CACNA2D3: variants seen among roughly 807,000 people sequenced by gnomAD.
CACNA2D3 encodes the protein voltage-dependent calcium channel subunit alpha-2/delta-3.
Under a neutral mutation model 160.6 loss-of-function variants are expected in CACNA2D3, and 60 were observed. The ratio of observed to expected loss-of-function variants is 0.37; its 90% CI spans 0.30 to 0.46. The LOEUF is 0.46. Ranked by LOEUF, CACNA2D3 falls within the 20% of genes least tolerant of loss-of-function variation. The pLI is 1.00. For missense variants in CACNA2D3, 1,205 were observed against 1,365.0 expected (o/e 0.88, Z 1.85); for synonymous variants, 558 against 492.9 (o/e 1.13, Z -1.75).
intron 11 of CACNA2D3, among the ~76,000 whole-genome samples, chr3:54,737,806 A>C (rs1441782894): frequency 6.6e-6 from 1 of 152,132 alleles, no homozygotes; most frequent in South Asian, 2.1e-4. Context: ...CTGGGATTGT[A>C]GGTGTGCTTC....
intron 5 of CACNA2D3, among the ~76,000 whole-genome samples, chr3:54,519,709 A>G (rs944462505): frequency 2.6e-5 from 4 of 152,228 alleles, no homozygotes; most frequent in Non-Finnish European, 4.4e-5. Context: ...CCTGTGGCAT[A>G]TATTTCTGTA....
At chr3:54,817,459 A>G (rs1703482099) in intron 14 of CACNA2D3, among the ~76,000 whole-genome samples, 1 of 152,158 alleles carries the variant, frequency 6.6e-6, no homozygotes, top group South Asian at 2.1e-4. Flanking sequence ...GAAAGACTCC[A>G]TGTGGTTGCA....
intron 4 of CACNA2D3, among the ~76,000 whole-genome samples, chr3:54,409,675 G>T (rs1037850530): frequency 3.3e-5 from 5 of 152,224 alleles, no homozygotes; most frequent in Non-Finnish European, 5.9e-5. Flanking sequence ...TGCTACTTCA[G>T]TGAACACAGC....
chr3:54,305,469 A>G lies in CACNA2D3; in HGVS notation c.205-14973A>G, dbSNP rs186551891. 4.3e-4 allele frequency among the ~76,000 whole-genome samples: 66 copies of G among 152,366 alleles called. No homozygotes were observed. In the East Asian group the frequency reaches 7.3e-3, roughly 17 times the overall value. ...TTATACTTAGAGAACAGAACTGTCT[A>G]GTGGCATTGTTTCAGGAAATGTCCA... is the stretch of plus-strand genomic sequence containing the variant. On this transcript the variant is annotated intron_variant, in intron 2 of 37. Coordinates refer to ENST00000474759, the MANE Select transcript of CACNA2D3 (RefSeq NM_018398.3).
intron 12 of CACNA2D3, among the ~76,000 whole-genome samples, chr3:54,752,887 A>C (rs1701892029): frequency 1.4e-5 from 2 of 146,076 alleles, no homozygotes; most frequent in African/African-American, 5.1e-5. Flanking sequence ...TGTGGACAGA[A>C]TCTTGCTCTG....
intron 11 of CACNA2D3, among the ~76,000 whole-genome samples, chr3:54,692,941 A>G (rs1040328768): frequency 2.0e-5 from 3 of 152,120 alleles, no homozygotes; most frequent in African/African-American, 7.2e-5. Flanking sequence ...CACACATGAA[A>G]TGGCTAACTC....
intron 2 of CACNA2D3, among the ~76,000 whole-genome samples, chr3:54,269,863 A>G (rs1021778649): frequency 7.2e-5 from 11 of 152,250 alleles, no homozygotes; most frequent in Non-Finnish European, 1.2e-4. Context: ...AAAAATACAG[A>G]AAATACTTAG....
chr3:54,897,808 A>G (rs1700226369), intron 26 of CACNA2D3, among the ~76,000 whole-genome samples: 1 of 152,216 alleles, frequency 6.6e-6, no homozygotes, highest in Admixed American at 6.5e-5. Context: ...ATTTGTAGAA[A>G]GCAAAGAGTG....
At chr3:54,374,604 T>C (rs528749919) in intron 3 of CACNA2D3, among the ~76,000 whole-genome samples, 2 of 152,316 alleles carry the variant, frequency 1.3e-5, no homozygotes, top group South Asian at 2.1e-4. Context: ...TTTCGTTCAG[T>C]GTTCCTCCTG....
intron 13 of CACNA2D3, among the ~76,000 whole-genome samples, chr3:54,807,099 C>T (rs1366934296): frequency 3.9e-5 from 6 of 152,168 alleles, no homozygotes; most frequent in African/African-American, 7.2e-5. Flanking sequence ...ACCATAAAAA[C>T]CCTAGAAGAA....
chr3:54,544,201 A>G (rs1416467912), intron 5 of CACNA2D3, among the ~76,000 whole-genome samples: 3 of 152,206 alleles, frequency 2.0e-5, no homozygotes, highest in Non-Finnish European at 4.4e-5. Flanking sequence ...AGTACATAAT[A>G]CATTTAGAGA....
intron 35 of CACNA2D3, among the ~76,000 whole-genome samples, chr3:55,070,648 ATCT>A (rs1292205674): frequency 6.6e-6 from 1 of 152,170 alleles, no homozygotes; most frequent in Non-Finnish European, 1.5e-5. Context: ...GTGCAGGTTT[ATCT>A]TCTTATTTTT....
intron 12 of CACNA2D3, among the ~76,000 whole-genome samples, chr3:54,756,051 G>T (rs1190209144): frequency 6.6e-6 from 1 of 152,196 alleles, no homozygotes; most frequent in Admixed American, 6.5e-5. Context: ...AGTCAACTCA[G>T]AGTATTTTAG....
intron 3 of CACNA2D3, among the ~76,000 whole-genome samples, chr3:54,339,756 G>A (rs1425534578): frequency 6.6e-6 from 1 of 152,102 alleles, no homozygotes; most frequent in Non-Finnish European, 1.5e-5. Context: ...AAAATATTAG[G>A]CAACAGCACT....
chr3:54,990,058 A>G (rs1559456653), intron 31 of CACNA2D3, among the ~76,000 whole-genome samples: 2 of 152,182 alleles, frequency 1.3e-5, no homozygotes, highest in East Asian at 3.9e-4. Flanking sequence ...CATGCACCAT[A>G]TTGAATTGAG....
chr3:54,149,928 T>TCTCTCCCCCTCC (rs1559863335), intron 2 of CACNA2D3, among the ~76,000 whole-genome samples: 1 of 35,550 alleles, frequency 2.8e-5, no homozygotes, highest in African/African-American at 1.5e-4. Context: ...TCTCTCTCTC[T>TCTCTCCCCCTCC]CTCCCTCCCT....
intron 13 of CACNA2D3, among the ~76,000 whole-genome samples, chr3:54,806,845 C>A (rs1352688519): frequency 6.6e-6 from 1 of 151,996 alleles, no homozygotes; most frequent in Non-Finnish European, 1.5e-5. Context: ...GGTACTGATA[C>A]CAAAACAGAG....
rs571849165 is a variant in CACNA2D3 at position 55,057,207 on chromosome 3, G to A, written c.2988-16238G>A. On this transcript the variant is annotated intron_variant, in intron 35 of 37. Transcript: ENST00000474759. ...ATGATTGTGAGGCCTCCCCAGCCAC[G>A]TGGAACCGTGAGTCAATTAAACCTT... 4.6e-5 allele frequency among the ~76,000 whole-genome samples: 7 copies of A among 152,282 alleles called. No individual in the cohort carries two copies. In the South Asian group the frequency reaches 1.0e-3, roughly 23 times the overall value.
chr3:54,611,619 T>C (rs779177725), intron 9 of CACNA2D3, among the ~76,000 whole-genome samples: 4 of 152,220 alleles, frequency 2.6e-5, no homozygotes, highest in Non-Finnish European at 5.9e-5. Flanking sequence ...ATGAGAAACA[T>C]GGAATGATGA....
Sources: allele counts gnomAD v4.1 joint callset (sites outside exome capture counted in the v4.1 genomes callset), GRCh38; gene constraint gnomAD v4.1.1; transcripts MANE v1.5; gene names NCBI Gene and HGNC (gene_info 2026-07-23, HGNC 2026-07-21).